The following UBAP1 variants were observed in gnomAD, a reference collection of about 807,000 sequenced individuals.
UBAP1 encodes the protein ubiquitin-associated protein 1.
Under a neutral mutation model 39.0 loss-of-function variants are expected in UBAP1, and 5 were observed. The observed-to-expected ratio is 0.13, with a 90% CI of 0.07 to 0.27. The LOEUF (loss-of-function observed/expected upper bound fraction) is 0.27. Ranked by LOEUF, UBAP1 falls within the 10% of genes least tolerant of loss-of-function variation. UBAP1 has a pLI of 1.00. For missense variants in UBAP1, 490 were observed against 608.1 expected (o/e 0.81, Z 2.04); for synonymous variants, 211 against 225.1 (o/e 0.94, Z 0.56).
chr9:34,199,247 G>T (rs1831230745), intron 1 of UBAP1, among the ~76,000 whole-genome samples: 1 of 151,848 alleles, frequency 6.6e-6, no homozygotes, highest in African/African-American at 2.4e-5. Flanking sequence ...CTAATATTTT[G>T]TATTTTTAGT....
intron 2 of UBAP1, among the ~76,000 whole-genome samples, chr9:34,225,572 T>C (rs1359925744): frequency 6.6e-6 from 1 of 151,698 alleles, no homozygotes; most frequent in South Asian, 2.1e-4. Context: ...GGTCAGGAGA[T>C]CCAGACCATC....
intron 2 of UBAP1, chr9:34,224,286 A>ATGGTGTG (rs1832927670): frequency 8.5e-6 from 4 of 471,168 alleles, no homozygotes; most frequent in Non-Finnish European, 1.6e-5. Flanking sequence ...CACTGTCCAT[A>ATGGTGTG]CGGTGTGCTG....
intron 1 of UBAP1, among the ~76,000 whole-genome samples, chr9:34,193,238 G>A (rs1334051897): frequency 3.3e-5 from 5 of 152,138 alleles, no homozygotes; most frequent in Non-Finnish European, 5.9e-5. Flanking sequence ...TTGAACCCAG[G>A]AGGTGGAGGT....
At chr9:34,192,490 G>C (rs933302976) in intron 1 of UBAP1, among the ~76,000 whole-genome samples, 1 of 138,336 alleles carries the variant, frequency 7.2e-6, no homozygotes, top group African/African-American at 2.7e-5. Flanking sequence ...ACTCTAGCCT[G>C]GGTGGATAGA....
chr9:34,206,773 G>T (rs2036924512), intron 1 of UBAP1, among the ~76,000 whole-genome samples: 2 of 152,066 alleles, frequency 1.3e-5, no homozygotes, highest in African/African-American at 4.8e-5. Flanking sequence ...ATTTATCTTG[G>T]TATGCAGTGT....
At chr9:34,186,786 C>T (rs1006228244) in intron 1 of UBAP1, among the ~76,000 whole-genome samples, 10 of 152,002 alleles carry the variant, frequency 6.6e-5, no homozygotes, top group Non-Finnish European at 1.5e-5. Flanking sequence ...TGCAAATATC[C>T]TTTCCCAATT....
At chr9:34,222,072 T>C (rs951952542) in intron 2 of UBAP1, among the ~76,000 whole-genome samples, 4 of 151,732 alleles carry the variant, frequency 2.6e-5, no homozygotes, top group Non-Finnish European at 5.9e-5. Context: ...GAAGTTGCAG[T>C]GATCATGCCA....
intron 5 of UBAP1, 101 bp downstream of exon 5, chr9:34,250,062 T>C: frequency 7.7e-7 from 1 of 1,290,884 alleles, no homozygotes; most frequent in Non-Finnish European, 1.1e-6. Flanking sequence ...ACCAACCTCC[T>C]TTCCTGTGGG....
chr9:34,199,131 T>A lies in UBAP1; in HGVS notation c.-8+19891T>A, dbSNP rs1831221513. Among the ~76,000 whole-genome samples, 3 of 152,346 alleles carry A rather than the reference T, an allele frequency of 2.0e-5. No homozygotes were observed. In the South Asian group the frequency reaches 6.2e-4, roughly 32 times the overall value. On this transcript the variant is annotated intron_variant, in intron 1 of 6. Transcript: ENST00000297661. ...CTCTGTCGCGCAGGCTGGAGTGCAG[T>A]GATGCGATTTCGGCTCACTGCAACC...
chr9:34,187,863 A>G (rs1830491048), intron 1 of UBAP1, among the ~76,000 whole-genome samples: 1 of 151,348 alleles, frequency 6.6e-6, no homozygotes. Flanking sequence ...AGTTCCTTGG[A>G]CTTGTGTGTC....
intron 1 of UBAP1, among the ~76,000 whole-genome samples, chr9:34,217,758 T>A (rs1832411634): frequency 6.7e-6 from 1 of 148,576 alleles, no homozygotes; most frequent in African/African-American, 2.5e-5. Context: ...TTCATTCACA[T>A]TGTCATAAAT....
intron 1 of UBAP1, among the ~76,000 whole-genome samples, chr9:34,186,571 T>C (rs1830418188): frequency 6.6e-6 from 1 of 152,160 alleles, no homozygotes; most frequent in Non-Finnish European, 1.5e-5. Flanking sequence ...TCTAATCTGG[T>C]GGGTTTGAAA....
chr9:34,205,779 G>A (rs528471655), intron 1 of UBAP1, among the ~76,000 whole-genome samples: 9 of 152,098 alleles, frequency 5.9e-5, no homozygotes, highest in African/African-American at 2.2e-4. Context: ...GGATCACGAG[G>A]TCAAGAGATT....
intron 4 of UBAP1, among the ~76,000 whole-genome samples, chr9:34,242,625 C>G (rs1435209455): frequency 6.6e-6 from 1 of 152,118 alleles, no homozygotes; most frequent in Non-Finnish European, 1.5e-5. Context: ...CCACCTCTCA[C>G]GCAATTCTCC....
intron 4 of UBAP1, among the ~76,000 whole-genome samples, chr9:34,245,840 A>G (rs1166834408): frequency 1.4e-5 from 2 of 140,062 alleles, no homozygotes; most frequent in Admixed American, 1.5e-4. Flanking sequence ...ATTGCTGGCA[A>G]TTACCATCCC....
In UBAP1 at chr9:34,241,850, C is replaced by G; in HGVS notation, c.825C>G (p.Asp275Glu). 6.2e-7 allele frequency: 1 copy of G among 1,614,128 alleles called. No homozygotes were observed. The highest frequency in any genetic ancestry group is 8.5e-7 in the Non-Finnish European group (1 of 1,180,026). Residue 275 changes from aspartate to glutamate, a missense_variant, in exon 4 of 7, where the codon GAC (aspartate) becomes GAG (glutamate). Coordinates refer to ENST00000297661, the MANE Select transcript of UBAP1 (RefSeq NM_016525.5). ...SLSFPKLDSD[D>E]SNQKTAKLAS... ...CTTTCCCCAAACTTGACTCTGATGA[C>G]AGCAATCAGAAGACAGCCAAGCTGG... is the stretch of plus-strand genomic sequence containing the variant.
intron 1 of UBAP1, among the ~76,000 whole-genome samples, chr9:34,188,423 C>CT (rs34942688): frequency 0.18 from 20,633 of 116,676 alleles, 1,882 homozygotes; most frequent in African/African-American, 0.2. Context: ...TAGTCTTCAG[C>CT]TTTTTTTTTT....
Position 34,241,347 on chromosome 9 carries a change from C to T in UBAP1, c.322C>T (p.His108Tyr). 6.5e-7 allele frequency: 1 copy of T among 1,528,812 alleles called. No homozygotes were observed. Among genetic ancestry groups the T allele is most frequent in the Non-Finnish European group, 8.8e-7 (1 of 1,139,598 alleles). 94.7% of individuals were successfully genotyped at this position (1,528,812 alleles called of 1,614,324 possible). The change falls in exon 4 of 7, where the codon CAC becomes TAC. Residue 108 changes from histidine to tyrosine, a missense_variant. This residue lies in a region of UBAP1 where 144 missense variants were observed against 184.4 expected (regional missense o/e 0.78). Transcript: ENST00000297661. ...TAGCAAAATGAGCTTCTCCAAGACTCACAGTACAGCCACAATGCCACCTCC... is the reference window on the plus strand; with the variant it reads ...TAGCAAAATGAGCTTCTCCAAGACTTACAGTACAGCCACAATGCCACCTCC... Reference protein sequence around the residue: ...GDSKMSFSKTHSTATMPPPIN... With the variant: ...GDSKMSFSKTYSTATMPPPIN...
intron 2 of UBAP1, among the ~76,000 whole-genome samples, chr9:34,231,125 TTATGTGTGTGTGTGTGTGTGTGTG>T (rs1260483139): frequency 3.1e-5 from 3 of 96,694 alleles, no homozygotes; most frequent in African/African-American, 1.4e-4. Context: ...TTTAAAAAAA[TTATGTGTGTGTGTGTGTGTGTGTG>T]TGTGTGTGTG....
Sources: allele counts gnomAD v4.1 joint callset (sites outside exome capture counted in the v4.1 genomes callset), GRCh38; gene constraint gnomAD v4.1.1; regional missense constraint gnomAD v4.1.1; transcripts MANE v1.5; gene names NCBI Gene and HGNC (gene_info 2026-07-23, HGNC 2026-07-21).